Variants in NCL observed in about 807,000 individuals in gnomAD.
NCL encodes nucleolin multifunctional protein.
A neutral mutation model predicts 77.7 loss-of-function variants in NCL; 4 were observed. The ratio of observed to expected loss-of-function variants is 0.05; its 90% CI spans 0.03 to 0.12. NCL has a LOEUF of 0.12. Among genes scored for constraint, NCL ranks in the 10% least tolerant of loss-of-function variants. The pLI is 1.00. For missense variants in NCL, 763 were observed against 860.9 expected, an observed-to-expected ratio of 0.89 and a Z score of 1.42; for synonymous variants, 344 against 297.8, an observed-to-expected ratio of 1.16 and a Z score of -1.60.
Position 231,456,764 on chromosome 2 carries a change from C to T in NCL, c.1572G>A (p.Gly524=), listed in dbSNP as rs772608185. The change falls in exon 11 of 14, where the codon GGG becomes GGA. Residue 524 remains glycine (G), a splice_region_variant and synonymous_variant. Transcript: ENST00000322723. The part of the protein sequence containing the change: ...VPQNQNGKSK[G]YAFIEFASFE... ...ATGAAGCAAACTCTATAAATGCATA[C>T]CTGAGGATGAACAGTTAATGCTTAG... is the stretch of plus-strand genomic sequence containing the variant. 2 of 1,614,058 alleles carry T rather than the reference C, an allele frequency of 1.2e-6. No individual in the cohort carries two copies. Among genetic ancestry groups the T allele is most frequent in the Middle Eastern group, 1.6e-4 (1 of 6,062 alleles).
At chr2:231,463,884 A>G in intron 1 of NCL, 1 of 173,696 alleles carries the variant, frequency 5.8e-6, no homozygotes, top group Non-Finnish European at 1.2e-5. Flanking sequence ...GGGCGGAGAC[A>G]TCCGAGCGCA....
At chr2:231,462,436 G>A in intron 2 of NCL, 1 of 418,498 alleles carries the variant, frequency 2.4e-6, no homozygotes. Flanking sequence ...TCCTACAGTG[G>A]GTGGCGGTAC....
Position 231,461,588 on chromosome 2 carries a change from C to T in NCL, c.565G>A (p.Asp189Asn), listed in dbSNP as rs762673835. Residue 189 changes from aspartate to asparagine, a missense_variant, in exon 3 of 14, where the codon GAT becomes AAT. Physicochemically the swap from Asp to Asn is conservative, Grantham distance 23 (BLOSUM62 1). Coordinates refer to ENST00000322723, the MANE Select transcript of NCL (RefSeq NM_005381.3). ...TCCTCATCATCTTCGTCATCCTCAT[C>T]GTCCTCATCCTCTGAGGCAGGGGCA... ...AAAPASEDED[D>N]EDDEDDEDDD... is the part of the protein sequence containing the mutation. 5 of 1,611,216 alleles carry T rather than the reference C, an allele frequency of 3.1e-6. No individual in the cohort carries two copies. The South Asian group carries it at 3.3e-5, about 11-fold the overall frequency.
At position 231,461,798 on chromosome 2, in the gene NCL, C is replaced by T. The variant is rs776064859; in HGVS notation, c.355G>A (p.Val119Ile). The change falls in exon 3 of 14, where the codon GTA becomes ATA. Residue 119 changes from valine to isoleucine, a missense_variant. By Grantham distance (29) the Val-to-Ile change is conservative. Coordinates refer to ENST00000322723, the MANE Select transcript of NCL (RefSeq NM_005381.3). ...GCACCCTTCTTACCAGGAGTTGCTA[C>T]CAATGCTTTGCCTGGTGTGGCTCCC... ...KKGATPGKAL[V>I]ATPGKKGAAI... is the part of the protein sequence containing the mutation. 3 of 1,614,092 alleles carry T rather than the reference C, an allele frequency of 1.9e-6. No individual in the cohort carries two copies. The highest frequency in any genetic ancestry group is 2.7e-5 in the African/African-American group (2 of 74,930).
At position 231,461,543 on chromosome 2, in the gene NCL, C is replaced by T. The variant is rs770480378; in HGVS notation, c.610G>A (p.Asp204Asn). 9.3e-6 allele frequency: 15 copies of T among 1,613,218 alleles called. No homozygotes were observed. The highest frequency in any genetic ancestry group is 1.3e-5 in the African/African-American group (1 of 74,926). Reference sequence around the variant, plus strand: ...AACTACCAAGACAACTCCTTACCATCTTCCTCATCGTCATCGTCATCCTCA... The same window carrying T: ...AACTACCAAGACAACTCCTTACCATTTTCCTCATCGTCATCGTCATCCTCA... The part of the protein sequence containing the change: ...DDEDDDDDEE[D>N]DSEEEAMETT... The change falls in exon 3 of 14, where the codon GAT (aspartate) becomes AAT (asparagine). Residue 204 changes from aspartate to asparagine, a missense_variant. Coordinates refer to ENST00000322723, the MANE Select transcript of NCL (RefSeq NM_005381.3).
chr2:231,464,182 C>CCGCGAGACCTCCCCACTAATCG, intron 1 of NCL, 154 bp downstream of exon 1: 3 of 1,438,480 alleles, frequency 2.1e-6, no homozygotes, highest in Non-Finnish European at 1.8e-6. Flanking sequence ...TAGCCAGAAG[C>CCGCGAGACCTCCCCACTAATCG]CGCGAGACCT....
Position 231,455,242 on chromosome 2 carries a change from T to C in NCL, c.2082A>G (p.Arg694=), listed in dbSNP as rs2046873783. Residue 694 remains arginine (R), a synonymous_variant, in exon 14 of 14, where the codon AGA becomes AGG. Coordinates refer to ENST00000322723, the MANE Select transcript of NCL (RefSeq NM_005381.3). ...GTGGCTTGTGGTCACCTCCTCCTCC[T>C]CTGCCTCCTCGGAAGCCTCCTCGCC... The part of the protein sequence containing the change: ...FGGRGGFRGG[R]GGGGDHKPQG... 2 of 1,614,182 alleles carry C rather than the reference T, an allele frequency of 1.2e-6. No homozygotes were observed. Among genetic ancestry groups the C allele is most frequent in the Non-Finnish European group, 8.5e-7 (1 of 1,180,024 alleles).
chr2:231,462,539 G>C (rs747620164), intron 2 of NCL: 6 of 515,288 alleles, frequency 1.2e-5, no homozygotes, highest in African/African-American at 1.2e-4. Context: ...ACATCAAAGA[G>C]TGTGCATGGT....
intron 1 of NCL, chr2:231,464,040 C>T (rs2046976817): frequency 9.0e-7 from 1 of 1,107,562 alleles, no homozygotes; most frequent in Non-Finnish European, 1.2e-6. Context: ...CCAGCTCGTA[C>T]GCGTCGCAAA....
rs1429555966 is a variant in NCL at position 231,455,408 on chromosome 2, G to A, written c.2049C>T (p.Gly683=). 2 of 1,613,832 alleles carry A rather than the reference G, an allele frequency of 1.2e-6. No homozygotes were observed. The highest frequency in any genetic ancestry group is 1.7e-6 in the Non-Finnish European group (2 of 1,180,024). The change falls in exon 13 of 14, where the codon GGC becomes GGT. Residue 683 remains glycine (G), a synonymous_variant. Coordinates refer to ENST00000322723, the MANE Select transcript of NCL (RefSeq NM_005381.3). The part of the protein sequence containing the change: ...RGGFGGRGRG[G]FGGRGGFRGG... ...TATCTCTGCGTGCCTTACCTCCAAA[G>A]CCTCCCCGGCCTCTGCCACCAAATC... is the stretch of plus-strand genomic sequence containing the variant.
intron 12 of NCL, 183 bp downstream of exon 12, chr2:231,455,825 TAC>T: frequency 8.4e-7 from 1 of 1,192,970 alleles, no homozygotes; most frequent in Non-Finnish European, 1.2e-6. Flanking sequence ...CAGCTAAATA[TAC>T]CTCTGTAAAG....
At chr2:231,460,093 C>T in intron 6 of NCL, 59 bp downstream of exon 6, 5 of 1,535,118 alleles carry the variant, frequency 3.3e-6, no homozygotes, top group Non-Finnish European at 4.4e-6. Context: ...ACTGTGCTAA[C>T]AGGGGAAGGA....
chr2:231,463,375 T>C (rs2046970361), intron 1 of NCL, 59 bp from the exon 2 acceptor site: 11 of 1,166,348 alleles, frequency 9.4e-6, no homozygotes, highest in Non-Finnish European at 1.4e-5. Flanking sequence ...GCCATTCATA[T>C]TTTGCCATTA....
At chr2:231,461,239 T>C (rs1268331347) in intron 3 of NCL, among the ~76,000 whole-genome samples, 7 of 151,200 alleles carry the variant, frequency 4.6e-5, no homozygotes, top group Admixed American at 6.6e-5. Flanking sequence ...TAGCGCGCCA[T>C]TGCACTCCAG....
intron 3 of NCL, among the ~76,000 whole-genome samples, 188 bp downstream of exon 3, chr2:231,461,352 T>C (rs2046948263): frequency 6.6e-6 from 1 of 152,000 alleles, no homozygotes; most frequent in Admixed American, 6.6e-5. Flanking sequence ...GAATGTGCTA[T>C]TGAAATTTTC....
intron 7 of NCL, chr2:231,458,603 G>C (rs1319080860): frequency 3.2e-6 from 2 of 616,996 alleles, no homozygotes; most frequent in East Asian, 3.0e-5. Flanking sequence ...CTCTCTGTTA[G>C]GTACACTGGA....
At chr2:231,464,019 GGAGTC>G (rs2046976668) in intron 1 of NCL, 1 of 890,470 alleles carries the variant, frequency 1.1e-6, no homozygotes, top group Non-Finnish European at 1.5e-6. Flanking sequence ...ACGTGCGTCA[GGAGTC>G]GAGTCCCAGC....
In NCL at chr2:231,461,922, T is replaced by G; in HGVS notation, c.231A>C (p.Pro77=). The change falls in exon 3 of 14, where the codon CCA becomes CCC. Residue 77 remains proline (P), a synonymous_variant. Transcript: ENST00000322723. ...SPTKKVAVAT[P]AKKAAVTPGK... ...CTGGAGTGACAGCTGCTTTCTTGGCTGGTGTGGCAACTGCAACCTTTTTTG... is the reference window on the plus strand; with the variant it reads ...CTGGAGTGACAGCTGCTTTCTTGGCGGGTGTGGCAACTGCAACCTTTTTTG... The G allele has an allele frequency of 6.2e-7, 1 of 1,614,242 alleles. No homozygotes were observed. The highest frequency in any genetic ancestry group is 8.5e-7 in the Non-Finnish European group (1 of 1,180,030).
At chr2:231,462,276 C>G (rs1375200941) in intron 2 of NCL, among the ~76,000 whole-genome samples, 1 of 152,180 alleles carries the variant, frequency 6.6e-6, no homozygotes, top group African/African-American at 2.4e-5. Flanking sequence ...ATTCTTACAC[C>G]TCATACTTTC....
Sources: allele counts gnomAD v4.1 joint callset (sites outside exome capture counted in the v4.1 genomes callset), GRCh38; gene constraint gnomAD v4.1.1; transcripts MANE v1.5; gene names NCBI Gene and HGNC (gene_info 2026-07-23, HGNC 2026-07-21).